XPR1: variants seen among roughly 807,000 people sequenced by gnomAD.
The protein encoded by XPR1 is xenotropic and polytropic retrovirus receptor 1.
A neutral mutation model predicts 87.5 loss-of-function variants in XPR1; 28 were observed. The ratio of observed to expected loss-of-function variants is 0.32; its 90% CI spans 0.24 to 0.44. The LOEUF (loss-of-function observed/expected upper bound fraction) is 0.44. Ranked by LOEUF, XPR1 falls within the 20% of genes least tolerant of loss-of-function variation. XPR1 has a pLI of 1.00. For synonymous variants in XPR1, 300 were observed against 306.1 expected (o/e 0.98, Z 0.21); for missense variants, 559 against 862.3 (o/e 0.65, Z 4.41).
intron 9 of XPR1, among the ~76,000 whole-genome samples, chr1:180,830,848 A>G (rs917313880): frequency 7.9e-5 from 12 of 152,188 alleles, no homozygotes; most frequent in Non-Finnish European, 1.5e-4. Flanking sequence ...TTCCCTTTGT[A>G]GTGATAAACA....
chr1:180,655,112 C>A (rs1348488522), intron 1 of XPR1, among the ~76,000 whole-genome samples: 1 of 152,118 alleles, frequency 6.6e-6, no homozygotes, highest in Non-Finnish European at 1.5e-5. Flanking sequence ...TAAGCAGTAG[C>A]CATCCTATCA....
At chr1:180,684,551 G>T (rs1196778291) in intron 2 of XPR1, among the ~76,000 whole-genome samples, 1 of 152,052 alleles carries the variant, frequency 6.6e-6, no homozygotes, top group African/African-American at 2.4e-5. Context: ...TGATGGGGAT[G>T]GCATTGAATC....
intron 2 of XPR1, among the ~76,000 whole-genome samples, chr1:180,708,210 G>A (rs956286331): frequency 6.6e-6 from 1 of 152,174 alleles, no homozygotes; most frequent in African/African-American, 2.4e-5. Context: ...GTAATCAGTA[G>A]CCAGTGGTTT....
intron 6 of XPR1, among the ~76,000 whole-genome samples, chr1:180,808,076 A>G (rs1558018102): frequency 6.6e-6 from 1 of 152,304 alleles, no homozygotes; most frequent in Middle Eastern, 3.4e-3. Context: ...AAGGATTAAC[A>G]TTACCTTATG....
chr1:180,673,951 T>G (rs1455642070), intron 1 of XPR1, among the ~76,000 whole-genome samples: 1 of 152,226 alleles, frequency 6.6e-6, no homozygotes, highest in African/African-American at 2.4e-5. Context: ...ATCTCATGCA[T>G]AAATGATTCA....
chr1:180,849,731 T>G (rs1651803569), intron 11 of XPR1, among the ~76,000 whole-genome samples: 2 of 152,176 alleles, frequency 1.3e-5, no homozygotes, highest in Admixed American at 1.3e-4. Context: ...TTTGGATCAA[T>G]GAATCTTGGG....
chr1:180,682,705 C>T (rs1190710778), intron 2 of XPR1, among the ~76,000 whole-genome samples: 1 of 151,834 alleles, frequency 6.6e-6, no homozygotes, highest in African/African-American at 2.4e-5. Flanking sequence ...CCTTGCCTTC[C>T]CTCCCCTCCC....
chr1:180,806,378 T>C, intron 5 of XPR1, 96 bp from the exon 6 acceptor site: 1 of 1,481,734 alleles, frequency 6.7e-7, no homozygotes, highest in South Asian at 1.3e-5. Context: ...CACCAAAAAG[T>C]TGTCAGAATA....
chr1:180,724,403 A>G (rs978530275), intron 2 of XPR1, among the ~76,000 whole-genome samples: 1 of 152,316 alleles, frequency 6.6e-6, no homozygotes, highest in Admixed American at 6.5e-5. Flanking sequence ...TGAATAATGA[A>G]TCCAGCCTGA....
intron 2 of XPR1, among the ~76,000 whole-genome samples, chr1:180,759,534 C>G (rs376977168): frequency 1.3e-5 from 2 of 152,070 alleles, no homozygotes; most frequent in African/African-American, 2.4e-5. Flanking sequence ...ATAAATTCCT[C>G]GACACATACA....
chr1:180,799,865 T>C (rs1649717850), intron 3 of XPR1, among the ~76,000 whole-genome samples: 1 of 152,116 alleles, frequency 6.6e-6, no homozygotes. Context: ...TAGCAGCTGC[T>C]ATCACAGAGA....
rs1187403766 is a variant in XPR1, at chr1:180,771,995, T to C, written c.122-15758T>C. The stretch of plus-strand genomic sequence containing the variant: ...ATCTTGCTCGCAAGGGTTACTACTG[T>C]GGTATTTGCCTAGTGGTAATTCTAT... On this transcript the variant is annotated intron_variant, in intron 2 of 14. Coordinates refer to ENST00000367590, the MANE Select transcript of XPR1 (RefSeq NM_004736.4). Among the ~76,000 whole-genome samples the C allele has an allele frequency of 2.0e-5, 3 of 152,244 alleles. No individual in the cohort carries two copies. The East Asian group carries it at 5.8e-4, about 29-fold the overall frequency.
At position 180,880,023 on chromosome 1, in the gene XPR1, G is replaced by A; in HGVS notation, c.1809-53G>A. On this transcript the variant is annotated intron_variant, in intron 13 of 14. Coordinates refer to ENST00000367590, the MANE Select transcript of XPR1 (RefSeq NM_004736.4). The stretch of plus-strand genomic sequence containing the variant: ...TGATACACTGGGAGGTTTACAGGTA[G>A]CAGAAGTATGTTACAATTTCATAAG... 4 of 1,592,202 alleles carry A rather than the reference G, an allele frequency of 2.5e-6. No homozygotes were observed. The Admixed American group carries it at 6.7e-5, about 27-fold the overall frequency.
intron 2 of XPR1, among the ~76,000 whole-genome samples, chr1:180,785,857 CTTATT>C (rs1482990396): frequency 5.3e-5 from 8 of 150,970 alleles, no homozygotes; most frequent in Non-Finnish European, 1.0e-4. Context: ...AGCTGTTACT[CTTATT>C]TTATATCAGC....
intron 1 of XPR1, among the ~76,000 whole-genome samples, chr1:180,673,152 G>C (rs1656241698): frequency 6.6e-6 from 1 of 152,054 alleles, no homozygotes; most frequent in African/African-American, 2.4e-5. Flanking sequence ...CCTTTAAATG[G>C]TTTGTGAAAC....
At chr1:180,744,873 G>A (rs61809354) in intron 2 of XPR1, among the ~76,000 whole-genome samples, 8,061 of 151,716 alleles carry the variant, frequency 0.053, 306 homozygotes, top group Non-Finnish European at 0.078. Context: ...GGATGGTCTC[G>A]ATCTCCTGAC....
chr1:180,690,688 C>G (rs1656948604), intron 2 of XPR1, among the ~76,000 whole-genome samples: 1 of 151,256 alleles, frequency 6.6e-6, no homozygotes, highest in African/African-American at 2.4e-5. Flanking sequence ...TTACTGATAT[C>G]TTGTTTTAAA....
At chr1:180,648,860 T>G (rs1655203227) in intron 1 of XPR1, among the ~76,000 whole-genome samples, 1 of 152,222 alleles carries the variant, frequency 6.6e-6, no homozygotes, top group African/African-American at 2.4e-5. Context: ...TGATTCTGAT[T>G]ACTATACTGA....
At chr1:180,795,430 T>C (rs562312018) in intron 3 of XPR1, among the ~76,000 whole-genome samples, 14 of 152,296 alleles carry the variant, frequency 9.2e-5, no homozygotes, top group Non-Finnish European at 1.8e-4. Flanking sequence ...TAATATTTGT[T>C]CTCATATTCA....
Sources: gnomAD v4.1 joint callset for allele counts (sites outside exome capture counted in the v4.1 genomes callset) on GRCh38, gnomAD v4.1.1 for gene constraint, MANE v1.5 for transcripts, NCBI Gene and HGNC (gene_info 2026-07-23, HGNC 2026-07-21) for gene names.